The following EYS variants were observed in gnomAD, a reference collection of about 807,000 sequenced individuals.
EYS encodes the protein protein eyes shut homolog.
Under a neutral mutation model 282.1 loss-of-function variants are expected in EYS, and 250 were observed. The ratio of observed to expected loss-of-function variants is 0.89; its 90% CI spans 0.80 to 0.98. EYS has a LOEUF of 0.98. Among genes scored for constraint, EYS ranks in the 50% least tolerant of loss-of-function variants. The probability of loss-of-function intolerance (pLI) is 0.00; values close to 1 mark genes in which losing one functional copy is unlikely to be tolerated. For synonymous variants in EYS, 1,355 were observed against 1,282.9 expected, an observed-to-expected ratio of 1.06 and a Z score of -1.20; for missense variants, 4,016 against 3,709.0, an observed-to-expected ratio of 1.08 and a Z score of -2.15.
chr6:64,154,446 A>G (rs1210670456), intron 31 of EYS, among the ~76,000 whole-genome samples: 2 of 139,204 alleles, frequency 1.4e-5, no homozygotes, highest in Non-Finnish European at 3.0e-5. Flanking sequence ...GTCTCAAAAA[A>G]AAAAAAAAAA....
At chr6:64,373,968 G>C (rs867319256) in intron 29 of EYS, among the ~76,000 whole-genome samples, 1 of 151,996 alleles carries the variant, frequency 6.6e-6, no homozygotes, top group South Asian at 2.1e-4. Context: ...ATCAGCAGCT[G>C]GGGTGTGTGG....
intron 12 of EYS, among the ~76,000 whole-genome samples, chr6:65,233,330 G>A (rs530500312): frequency 1.3e-5 from 2 of 152,190 alleles, no homozygotes; most frequent in East Asian, 3.9e-4. Flanking sequence ...TCTGGCAGTG[G>A]TTATTATTGC....
At chr6:65,077,723 C>A (rs2150169743) in intron 12 of EYS, among the ~76,000 whole-genome samples, 1 of 152,036 alleles carries the variant, frequency 6.6e-6, no homozygotes, top group Admixed American at 6.6e-5. Flanking sequence ...AACAGAATTT[C>A]TTATAAACAC....
chr6:64,559,452 C>T (rs1435403033), intron 26 of EYS, among the ~76,000 whole-genome samples: 1 of 151,952 alleles, frequency 6.6e-6, no homozygotes, highest in African/African-American at 2.4e-5. Flanking sequence ...AGTACTGCAG[C>T]ATTTCTTGTT....
At chr6:63,835,443 T>C (rs963626460) in intron 36 of EYS, among the ~76,000 whole-genome samples, 3 of 151,958 alleles carry the variant, frequency 2.0e-5, no homozygotes, top group Admixed American at 6.6e-5. Flanking sequence ...AATTAGAAAC[T>C]ATTAATTCTT....
chr6:63,839,770 A>G (rs1186504692), intron 36 of EYS, among the ~76,000 whole-genome samples: 1 of 152,126 alleles, frequency 6.6e-6, no homozygotes, highest in Non-Finnish European at 1.5e-5. Context: ...TGGCAGTTCT[A>G]TTTTTAGTTT....
intron 26 of EYS, among the ~76,000 whole-genome samples, chr6:64,488,412 T>C (rs1440575964): frequency 1.3e-5 from 2 of 151,088 alleles, no homozygotes; most frequent in Non-Finnish European, 3.0e-5. Context: ...AGAGATGTAA[T>C]TGTTTACAAA....
At chr6:65,526,761 G>A (rs376682168) in intron 2 of EYS, among the ~76,000 whole-genome samples, 6 of 152,110 alleles carry the variant, frequency 3.9e-5, no homozygotes, top group Non-Finnish European at 7.4e-5. Context: ...AGCCCAGATC[G>A]CGCCACTGCA....
Position 64,792,857 on chromosome 6 carries a change from C to CGTGTGTGTGTGTGTGTGTGTGTGTGTGT in EYS, c.3443+20520_3443+20521insACACACACACACACACACACACACACAC, listed in dbSNP as rs61516922. On this transcript the variant is annotated intron_variant, in intron 22 of 42. Transcript: ENST00000503581. ...GTTTTAATTTCATACGATCTTGACA[C>CGTGTGTGTGTGTGTGTGTGTGTGTGTGT]GTGTGTGTGTGTGTGTGTGTTAGAT... 6.2e-3 allele frequency among the ~76,000 whole-genome samples: 920 copies of CGTGTGTGTGTGTGTGTGTGTGTGTGTGT among 148,398 alleles called. 9 individuals carry two copies. The highest frequency in any genetic ancestry group is 0.014 in the Middle Eastern group (4 of 288).
chr6:65,623,734 G>A (rs1382471201), intron 2 of EYS, among the ~76,000 whole-genome samples: 1 of 152,134 alleles, frequency 6.6e-6, no homozygotes, highest in African/African-American at 2.4e-5. Context: ...TAAAACTAAT[G>A]TATGTACATT....
intron 31 of EYS, among the ~76,000 whole-genome samples, chr6:64,189,787 C>A (rs1765050204): frequency 6.6e-6 from 1 of 152,060 alleles, no homozygotes; most frequent in Admixed American, 6.6e-5. Flanking sequence ...CTTGCCAGCC[C>A]CCACAGTTGT....
chr6:64,952,286 T>C (rs1383537288), intron 14 of EYS, among the ~76,000 whole-genome samples: 1 of 151,938 alleles, frequency 6.6e-6, no homozygotes, highest in Non-Finnish European at 1.5e-5. Context: ...ATGTTTAAGA[T>C]TGTGGGAATT....
intron 8 of EYS, among the ~76,000 whole-genome samples, chr6:65,360,631 T>C (rs1020879008): frequency 3.9e-5 from 6 of 152,164 alleles, no homozygotes; most frequent in Admixed American, 6.6e-5. Context: ...TCCGTGACCA[T>C]ACTATATTCT....
rs145365315 is a variant in EYS, at chr6:63,958,827, T to C, written c.7055+25556A>G. On this transcript the variant is annotated intron_variant, in intron 35 of 42. Transcript: ENST00000503581. ...CCTGGATTACAGGATCTCTACAGCA[T>C]GGTTTATGGAATAAGTTAAGCCCAC... Among the ~76,000 whole-genome samples, 682 of 152,300 alleles carry C rather than the reference T, an allele frequency of 4.5e-3. 4 individuals are homozygous for C. Among genetic ancestry groups the C allele is most frequent in the African/African-American group, 0.015 (624 of 41,566 alleles).
At chr6:64,984,842 T>C (rs1352139007) in intron 14 of EYS, among the ~76,000 whole-genome samples, 3 of 151,426 alleles carry the variant, frequency 2.0e-5, no homozygotes, top group African/African-American at 7.3e-5. Context: ...CAGTTTCTTG[T>C]AACAGAAATA....
intron 5 of EYS, among the ~76,000 whole-genome samples, chr6:65,438,748 A>G (rs540331217): frequency 2.6e-5 from 4 of 151,904 alleles, no homozygotes; most frequent in Admixed American, 2.6e-4. Context: ...TAGATTCTGG[A>G]TATTAGCCCT....
At chr6:63,884,494 G>T (rs535780927) in intron 35 of EYS, among the ~76,000 whole-genome samples, 77 of 152,166 alleles carry the variant, frequency 5.1e-4, no homozygotes, top group African/African-American at 1.8e-3. Flanking sequence ...TTGGGTTGTG[G>T]TTACATGGTT....
At chr6:64,433,330 A>C (rs529626274) in intron 28 of EYS, among the ~76,000 whole-genome samples, 53 of 152,118 alleles carry the variant, frequency 3.5e-4, no homozygotes, top group African/African-American at 1.2e-3. Flanking sequence ...TATTAGAAGA[A>C]TATGTAAATG....
At chr6:65,156,155 T>C (rs1764723085) in intron 12 of EYS, among the ~76,000 whole-genome samples, 1 of 151,280 alleles carries the variant, frequency 6.6e-6, no homozygotes, top group Non-Finnish European at 1.5e-5. Flanking sequence ...CCTAATTAGA[T>C]TTGATTGCAT....
Sources: allele counts gnomAD v4.1 joint callset (sites outside exome capture counted in the v4.1 genomes callset), GRCh38; gene constraint gnomAD v4.1.1; transcripts MANE v1.5; gene names NCBI Gene and HGNC (gene_info 2026-07-23, HGNC 2026-07-21).